LTBP1: variants seen among roughly 807,000 people sequenced by gnomAD.
LTBP1 encodes the protein latent-transforming growth factor beta-binding protein 1.
LTBP1 carries 129 observed loss-of-function variants against 207.6 expected under a neutral mutation model. The observed-to-expected ratio is 0.62, with a 90% CI of 0.54 to 0.72. The LOEUF is 0.72. Ranked by LOEUF, LTBP1 falls within the 30% of genes least tolerant of loss-of-function variation. LTBP1 has a pLI of 0.00. For synonymous variants in LTBP1, 963 were observed against 833.7 expected, an observed-to-expected ratio of 1.16 and a Z score of -2.67; for missense variants, 2,281 against 2,217.2, an observed-to-expected ratio of 1.03 and a Z score of -0.58.
intron 5 of LTBP1, among the ~76,000 whole-genome samples, chr2:33,170,708 C>T (rs1210851889): frequency 6.6e-6 from 1 of 151,950 alleles, no homozygotes; most frequent in Non-Finnish European, 1.5e-5. Context: ...ACTGCCTCCT[C>T]AAGTGGGTCC....
At position 33,067,282 on chromosome 2, in the gene LTBP1, A is replaced by G. The variant is rs186247941; in HGVS notation, c.864-43300A>G. Among the ~76,000 whole-genome samples the G allele has an allele frequency of 1.0e-3, 154 of 152,382 alleles. 2 individuals are homozygous for G. The South Asian group carries it at 0.011, about 11-fold the overall frequency. ...CTGCAGAGTTGATAATGAATTCAAC[A>G]TAAAACTATAAGGCAAAACAGTGCT... is the stretch of plus-strand genomic sequence containing the variant. On this transcript the variant is annotated intron_variant, in intron 3 of 33. Coordinates refer to ENST00000404816, the MANE Select transcript of LTBP1 (RefSeq NM_206943.4).
rs1351793774 is a variant in LTBP1 at position 33,265,434 on chromosome 2, T to C, written c.2617+2042T>C. ...ATCACAGACAATGTATAATACAGAATAAATAGAAATAACTGTACATTCAAC... is the reference window on the plus strand; with the variant it reads ...ATCACAGACAATGTATAATACAGAACAAATAGAAATAACTGTACATTCAAC... On this transcript the variant is annotated intron_variant, in intron 15 of 33. Transcript: ENST00000404816. 5.9e-5 allele frequency among the ~76,000 whole-genome samples: 9 copies of C among 152,214 alleles called. No individual in the cohort carries two copies. In the East Asian group the frequency reaches 1.5e-3, roughly 26 times the overall value.
Position 33,016,359 on chromosome 2 carries a change from A to G in LTBP1, c.566-4550A>G, listed in dbSNP as rs544496803. On this transcript the variant is annotated intron_variant, in intron 2 of 33. Transcript: ENST00000404816. ...GAATGAAAGGGAAAAAAATGATTCA[A>G]AGAGTAGCGTTTTAGAAGACTAGTC... 3.3e-5 allele frequency among the ~76,000 whole-genome samples: 5 copies of G among 152,256 alleles called. No homozygotes were observed. In the East Asian group the frequency reaches 5.8e-4, roughly 18 times the overall value.
chr2:33,359,116 A>G (rs1418393293), intron 26 of LTBP1, among the ~76,000 whole-genome samples: 2 of 152,216 alleles, frequency 1.3e-5, no homozygotes, highest in African/African-American at 4.8e-5. Flanking sequence ...GTCATCAGCT[A>G]TTAATGCTGA....
At chr2:33,101,387 G>A (rs760212939) in intron 3 of LTBP1, among the ~76,000 whole-genome samples, 1 of 152,112 alleles carries the variant, frequency 6.6e-6, no homozygotes, top group Non-Finnish European at 1.5e-5. Context: ...TTGTTTTGTC[G>A]TTATTGGAAG....
intron 2 of LTBP1, among the ~76,000 whole-genome samples, chr2:33,005,454 G>A (rs1686709962): frequency 6.6e-6 from 1 of 152,118 alleles, no homozygotes; most frequent in Admixed American, 6.5e-5. Flanking sequence ...TGATGGCTAG[G>A]TCCCAAGAAG....
chr2:33,125,259 C>A (rs1396032193), intron 4 of LTBP1, among the ~76,000 whole-genome samples: 1 of 152,212 alleles, frequency 6.6e-6, no homozygotes, highest in African/African-American at 2.4e-5. Context: ...AGCAGAATGA[C>A]CGTGGTCAAG....
chr2:33,299,009 C>G (rs59444299), intron 20 of LTBP1, among the ~76,000 whole-genome samples: 1 of 152,106 alleles, frequency 6.6e-6, no homozygotes, highest in Non-Finnish European at 1.5e-5. Context: ...GGTGTGGTGG[C>G]TAACGCCTGT....
At chr2:33,265,048 A>T (rs1160412974) in intron 15 of LTBP1, among the ~76,000 whole-genome samples, 1 of 152,120 alleles carries the variant, frequency 6.6e-6, no homozygotes, top group South Asian at 2.1e-4. Flanking sequence ...AGTAGAGCAG[A>T]TTGCCTTCCT....
chr2:33,086,479 A>G (rs2078760826), intron 3 of LTBP1, among the ~76,000 whole-genome samples: 1 of 152,176 alleles, frequency 6.6e-6, no homozygotes, highest in African/African-American at 2.4e-5. Flanking sequence ...GAAATAATGG[A>G]GCTTGCCATT....
chr2:33,258,527 C>A (rs2092922216), intron 12 of LTBP1, among the ~76,000 whole-genome samples: 2 of 152,252 alleles, frequency 1.3e-5, no homozygotes, highest in South Asian at 4.1e-4. Context: ...GCATTTCTTC[C>A]TTGGTGAGGC....
At chr2:33,343,094 T>G in intron 25 of LTBP1, 131 bp downstream of exon 25, 2 of 1,132,040 alleles carry the variant, frequency 1.8e-6, no homozygotes, top group Non-Finnish European at 2.4e-6. Context: ...TCATACAATT[T>G]GAGGATGTGC....
At chr2:33,270,750 C>T (rs2093302727) in intron 15 of LTBP1, among the ~76,000 whole-genome samples, 1 of 152,150 alleles carries the variant, frequency 6.6e-6, no homozygotes, top group Non-Finnish European at 1.5e-5. Flanking sequence ...CTTTCCTTTG[C>T]TGTATCTCTT....
intron 2 of LTBP1, among the ~76,000 whole-genome samples, chr2:32,950,383 C>T (rs1676917171): frequency 6.6e-6 from 1 of 151,970 alleles, no homozygotes. Context: ...ATGGCAAAAC[C>T]CCATCTCTAC....
chr2:33,239,902 T>TTAAATAAA (rs56284447), intron 9 of LTBP1, among the ~76,000 whole-genome samples: 8,760 of 144,150 alleles, frequency 0.061, 266 homozygotes, highest in African/African-American at 0.088. Flanking sequence ...AGACTCCATC[T>TTAAATAAA]TAAATAAATA....
chr2:32,953,456 T>C (rs1392759745), intron 2 of LTBP1, among the ~76,000 whole-genome samples: 3 of 152,218 alleles, frequency 2.0e-5, no homozygotes, highest in Non-Finnish European at 4.4e-5. Context: ...CCGGCCCCCA[T>C]GTGGGAGGGT....
intron 31 of LTBP1, among the ~76,000 whole-genome samples, chr2:33,386,899 C>T (rs917734898): frequency 7.4e-6 from 1 of 134,356 alleles, no homozygotes; most frequent in Admixed American, 8.7e-5. Context: ...GGTGCAATTT[C>T]GGCTCACTGC....
At position 33,262,744 on chromosome 2, in the gene LTBP1, A is replaced by G. The variant is rs2093053801; in HGVS notation, c.2441A>G (p.Glu814Gly). Reference protein sequence around the residue: ...PEKEIPSLDQEKTKLEPGQPQ... With the variant: ...PEKEIPSLDQGKTKLEPGQPQ... ...CAGGAAATACCTTCATTGGATCAAG[A>G]GAAAACCAAACTTGAGCCTGGTCAA... Residue 814 changes from glutamate to glycine, a missense_variant, in exon 14 of 34, where the codon GAG becomes GGG. Physicochemically the swap from Glu to Gly is moderately conservative, Grantham distance 98 (BLOSUM62 -2). Transcript: ENST00000404816. The G allele has an allele frequency of 6.2e-7, 1 of 1,603,610 alleles. No individual in the cohort carries two copies. The highest frequency in any genetic ancestry group is 1.3e-5 in the African/African-American group (1 of 74,566).
chr2:33,008,536 TA>T (rs1279554029), intron 2 of LTBP1, among the ~76,000 whole-genome samples: 1 of 152,174 alleles, frequency 6.6e-6, no homozygotes, highest in African/African-American at 2.4e-5. Flanking sequence ...CACTTATAGG[TA>T]GATGATTCAT....
Sources: allele counts gnomAD v4.1 joint callset (sites outside exome capture counted in the v4.1 genomes callset), GRCh38; gene constraint gnomAD v4.1.1; transcripts MANE v1.5; gene names NCBI Gene and HGNC (gene_info 2026-07-23, HGNC 2026-07-21).